Variants in GRAMD4 observed in about 807,000 individuals in gnomAD.
GRAMD4 encodes the protein GRAM domain-containing protein 4.
A neutral mutation model predicts 83.9 loss-of-function variants in GRAMD4; 25 were observed. The ratio of observed to expected loss-of-function variants is 0.30; its 90% confidence interval spans 0.22 to 0.42. The LOEUF (loss-of-function observed/expected upper bound fraction) is 0.42. Ranked by LOEUF, GRAMD4 falls within the 10% of genes least tolerant of loss-of-function variation. The pLI, the probability that GRAMD4 is intolerant of heterozygous loss-of-function variation, is 1.00. For missense variants in GRAMD4, 593 were observed against 788.7 expected (o/e 0.75, Z 2.97); for synonymous variants, 336 against 320.9 (o/e 1.05, Z -0.50).
upstream of GRAMD4, among the ~76,000 whole-genome samples, chr22:46,619,633 C>A (rs1214669141): frequency 6.6e-6 from 1 of 152,208 alleles, no homozygotes; most frequent in South Asian, 2.1e-4. Context: ...TCTTTGCTGG[C>A]CGCCCCCGGT....
At chr22:46,631,936 G>A (rs931044286) in intron 2 of GRAMD4, among the ~76,000 whole-genome samples, 6 of 135,920 alleles carry the variant, frequency 4.4e-5, no homozygotes, top group Non-Finnish European at 9.5e-5. Context: ...CGTCTCCTGG[G>A]GACCGGGGAT....
rs548931489 is a variant in GRAMD4, at chr22:46,675,316, C to T, written c.1479-152C>T. The stretch of plus-strand genomic sequence containing the variant: ...TGAGTGTCTCATATAGAGCAGTGGC[C>T]GTGAGTGTTTCACCGGTTCTGTGTC... On this transcript the variant is annotated intron_variant, in intron 16 of 18. Transcript: ENST00000406902. 40 of 689,264 alleles carry T rather than the reference C, an allele frequency of 5.8e-5. 1 individual carries two copies. Among genetic ancestry groups the T allele is most frequent in the South Asian group, 4.6e-4 (28 of 60,644 alleles). The allele number at this position is 689,264 out of a possible 1,614,324, so 42.7% of individuals were successfully genotyped here.
At chr22:46,627,313 G>T (rs1002535398) in intron 2 of GRAMD4, among the ~76,000 whole-genome samples, 1 of 152,244 alleles carries the variant, frequency 6.6e-6, no homozygotes, top group Admixed American at 6.5e-5. Flanking sequence ...TCTGGAAGCC[G>T]CTGGTGCCTG....
At chr22:46,648,715 G>GATGC (rs1569288150) in intron 3 of GRAMD4, among the ~76,000 whole-genome samples, 2 of 146,756 alleles carry the variant, frequency 1.4e-5, no homozygotes, top group African/African-American at 5.2e-5. Flanking sequence ...TGGATGGATG[G>GATGC]ATGGATGGAT....
chr22:46,633,287 G>C (rs930687670), intron 2 of GRAMD4, among the ~76,000 whole-genome samples: 1 of 152,254 alleles, frequency 6.6e-6, no homozygotes, highest in Non-Finnish European at 1.5e-5. Flanking sequence ...CCTTGTCACA[G>C]GTGGGTACTG....
chr22:46,672,763 A>G lies in GRAMD4; in HGVS notation c.1085-80A>G. ...GGAGGGTGCCAATCTGGGAGGTGGG[A>G]GGTGCCGGAACCATCACCCTGAGTA... On this transcript the variant is annotated intron_variant, in intron 13 of 18. Coordinates refer to ENST00000406902, the MANE Select transcript of GRAMD4 (RefSeq NM_015124.5). This position sits in a 1 kb window ranked among gnomAD's most constrained non-coding sequence, Gnocchi z 4.7. 9.0e-7 allele frequency: 1 copy of G among 1,112,408 alleles called. No individual in the cohort carries two copies. The highest frequency in any genetic ancestry group is 1.3e-6 in the Non-Finnish European group (1 of 755,912). 68.9% of individuals were successfully genotyped at this position (1,112,408 alleles called of 1,614,324 possible).
rs2082638160 is a variant in GRAMD4 at position 46,678,941 on chromosome 22, C to T, written c.*1690C>T. ...GGACGTTGGCGTCAGGATGACCACA[C>T]GGCGGCCTTTCCCGAATGGGGACAG... On this transcript the variant is annotated 3_prime_UTR_variant, in exon 19 of 19. Coordinates refer to ENST00000406902, the MANE Select transcript of GRAMD4 (RefSeq NM_015124.5). 1.0e-5 allele frequency: 10 copies of T among 985,822 alleles called. No individual in the cohort carries two copies. Among genetic ancestry groups the T allele is most frequent in the Admixed American group, 6.1e-5 (1 of 16,284 alleles). 61.1% of individuals were successfully genotyped at this position (985,822 alleles called of 1,614,324 possible).
At chr22:46,580,090 C>T (rs886609714) in intron 1 of GRAMD4, among the ~76,000 whole-genome samples, 2 of 152,216 alleles carry the variant, frequency 1.3e-5, no homozygotes, top group Non-Finnish European at 2.9e-5. Context: ...GCAGAAAGCC[C>T]GGGGCAGCAG....
At chr22:46,594,476 G>A (rs2081241308) in intron 1 of GRAMD4, among the ~76,000 whole-genome samples, 1 of 152,040 alleles carries the variant, frequency 6.6e-6, no homozygotes. Flanking sequence ...GGTGGCGGGA[G>A]CACTGGCCAG....
At chr22:46,605,392 C>A (rs1016032524) in intron 1 of GRAMD4, among the ~76,000 whole-genome samples, 2 of 152,224 alleles carry the variant, frequency 1.3e-5, no homozygotes, top group Admixed American at 6.5e-5. Flanking sequence ...TTGGCTCTTA[C>A]GAAAAATGCT....
intron 1 of GRAMD4, among the ~76,000 whole-genome samples, chr22:46,607,562 G>T (rs901205360): frequency 6.6e-6 from 1 of 152,066 alleles, no homozygotes; most frequent in Non-Finnish European, 1.5e-5. Flanking sequence ...GGATTCGCCC[G>T]ATGCTCCCTG....
At chr22:46,673,078 C>A in intron 14 of GRAMD4, 81 bp downstream of exon 14, 1 of 1,138,952 alleles carries the variant, frequency 8.8e-7, no homozygotes, top group Non-Finnish European at 1.2e-6. Context: ...GTGCTCTGTT[C>A]ACCTCCGGCT....
At chr22:46,650,696 G>T (rs950872093) in intron 3 of GRAMD4, among the ~76,000 whole-genome samples, 2 of 152,212 alleles carry the variant, frequency 1.3e-5, no homozygotes, top group Non-Finnish European at 2.9e-5. Context: ...CTCTGTGGGG[G>T]CGATTTCTAT....
intron 1 of GRAMD4, among the ~76,000 whole-genome samples, chr22:46,579,564 A>T (rs1408339674): frequency 1.3e-5 from 2 of 152,100 alleles, no homozygotes; most frequent in African/African-American, 2.4e-5. Flanking sequence ...ACCCCACTTG[A>T]CGGGTCCTGG....
Position 46,672,155 on chromosome 22 carries a change from C to T in GRAMD4, c.1085-688C>T, listed in dbSNP as rs573810838. On this transcript the variant is annotated intron_variant, in intron 13 of 18. Coordinates refer to ENST00000406902, the MANE Select transcript of GRAMD4 (RefSeq NM_015124.5). The surrounding 1 kb of genome is among the most constrained non-coding windows in gnomAD (Gnocchi z 4.7). ...TTAGCAGGTGTGTGGGGGCCGGCCCCGCCTCCCATCCCTGCATCTGTTGCC... is the reference window on the plus strand; with the variant it reads ...TTAGCAGGTGTGTGGGGGCCGGCCCTGCCTCCCATCCCTGCATCTGTTGCC... Among the ~76,000 whole-genome samples the T allele has an allele frequency of 5.3e-5, 8 of 152,336 alleles. No homozygotes were observed. The East Asian group carries it at 1.4e-3, about 26-fold the overall frequency.
intron 13 of GRAMD4, among the ~76,000 whole-genome samples, chr22:46,670,038 G>A (rs952482770): frequency 1.3e-5 from 2 of 152,248 alleles, no homozygotes; most frequent in East Asian, 1.9e-4. Context: ...CTGAGCCCAC[G>A]CAGGACAGCG....
In GRAMD4 at chr22:46,583,290, A is replaced by G. The variant is rs1476455768; in HGVS notation, c.-50+6000A>G. On this transcript the variant is annotated intron_variant, in intron 1 of 1. Coordinates refer to the GRAMD4 transcript ENST00000431155. ...TGCAGAGATAATACAGAGTTTCCCA[A>G]TTATCCCTACCAACAGTTGCAGTTT... Among the ~76,000 whole-genome samples the G allele has an allele frequency of 3.3e-5, 5 of 152,232 alleles. No individual in the cohort carries two copies. The East Asian group carries it at 5.8e-4, about 18-fold the overall frequency.
At chr22:46,600,112 C>T (rs751070451) in intron 1 of GRAMD4, among the ~76,000 whole-genome samples, 4 of 152,090 alleles carry the variant, frequency 2.6e-5, no homozygotes, top group Non-Finnish European at 5.9e-5. Context: ...TCTTGGGAAT[C>T]GACTGTTTTA....
intron 13 of GRAMD4, chr22:46,671,062 A>G (rs1363988808): frequency 2.1e-6 from 1 of 465,898 alleles, no homozygotes; most frequent in Non-Finnish European, 4.5e-6. Context: ...CTGACAAGGG[A>G]CCTCAGCTTA....
Sources: gnomAD v4.1 joint callset for allele counts (sites outside exome capture counted in the v4.1 genomes callset) on GRCh38, gnomAD v4.1.1 for gene constraint, Gnocchi (gnomAD v3.1) non-coding constraint, MANE v1.5 for transcripts, NCBI Gene and HGNC (gene_info 2026-07-23, HGNC 2026-07-21) for gene names.